Variants in MOB3B observed in about 807,000 individuals in gnomAD.
The protein encoded by MOB3B is MOB kinase activator 3B.
MOB3B carries 7 observed loss-of-function variants against 18.7 expected under a neutral mutation model. The observed-to-expected ratio is 0.37, with a 90% CI of 0.21 to 0.70. MOB3B has a LOEUF of 0.70. Among genes scored for constraint, MOB3B ranks in the 30% least tolerant of loss-of-function variants. The pLI, the probability that MOB3B is intolerant of heterozygous loss-of-function variation, is 0.52. For synonymous variants in MOB3B, 111 were observed against 99.9 expected, an observed-to-expected ratio of 1.11 and a Z score of -0.66; for missense variants, 253 against 281.3, an observed-to-expected ratio of 0.90 and a Z score of 0.72.
intron 1 of MOB3B, among the ~76,000 whole-genome samples, chr9:27,506,755 C>T (rs1820065986): frequency 1.3e-5 from 2 of 151,834 alleles, no homozygotes. Context: ...TGGTCTCGAT[C>T]TCCTGACCTC....
intron 2 of MOB3B, among the ~76,000 whole-genome samples, chr9:27,410,974 G>A (rs1488616180): frequency 6.6e-6 from 1 of 152,134 alleles, no homozygotes; most frequent in Non-Finnish European, 1.5e-5. Flanking sequence ...GTCCAAAATT[G>A]TATCTGTGGA....
chr9:27,332,797 C>T (rs1820807359), intron 3 of MOB3B, among the ~76,000 whole-genome samples: 1 of 152,200 alleles, frequency 6.6e-6, no homozygotes, highest in African/African-American at 2.4e-5. Context: ...GAGTACCTTA[C>T]CAGGTCACAT....
chr9:27,352,832 T>C (rs563654147), intron 3 of MOB3B, among the ~76,000 whole-genome samples: 3 of 152,338 alleles, frequency 2.0e-5, no homozygotes, highest in Non-Finnish European at 4.4e-5. Flanking sequence ...TGCAGTTAAA[T>C]TGGGCGGGCT....
intron 3 of MOB3B, among the ~76,000 whole-genome samples, chr9:27,338,732 T>A (rs1282535270): frequency 6.6e-6 from 1 of 152,168 alleles, no homozygotes; most frequent in Non-Finnish European, 1.5e-5. Flanking sequence ...ACCACAGCTG[T>A]CCAAACGAGG....
chr9:27,379,045 T>C lies in MOB3B; in HGVS notation c.419-19809A>G, dbSNP rs143326127. Among the ~76,000 whole-genome samples, 138 of 152,228 alleles carry C rather than the reference T, an allele frequency of 9.1e-4. 2 individuals are homozygous for C. The highest frequency in any genetic ancestry group is 3.0e-3 in the African/African-American group (126 of 41,524). On this transcript the variant is annotated intron_variant, in intron 2 of 3. Transcript: ENST00000262244. Reference sequence around the variant, plus strand: ...TTTACATTGCCTAAGGTGTCCAAAATGGGATGCATTGTCTCAGGTGATAGT... The same window carrying C: ...TTTACATTGCCTAAGGTGTCCAAAACGGGATGCATTGTCTCAGGTGATAGT...
chr9:27,412,198 A>G (rs964397815), intron 2 of MOB3B, among the ~76,000 whole-genome samples: 4 of 151,092 alleles, frequency 2.6e-5, no homozygotes, highest in South Asian at 2.1e-4. Context: ...AAAAAAAAGT[A>G]AAAATAAGAT....
chr9:27,404,147 T>C (rs1821929328), intron 2 of MOB3B, among the ~76,000 whole-genome samples: 1 of 150,802 alleles, frequency 6.6e-6, no homozygotes, highest in South Asian at 2.1e-4. Context: ...ATGACTACCC[T>C]TTTTTTTTCT....
At chr9:27,491,472 C>A (rs777493041) in intron 1 of MOB3B, among the ~76,000 whole-genome samples, 1 of 151,998 alleles carries the variant, frequency 6.6e-6, no homozygotes, top group Non-Finnish European at 1.5e-5. Flanking sequence ...AGTCTATTTT[C>A]TGTCCAAAAA....
intron 3 of MOB3B, among the ~76,000 whole-genome samples, chr9:27,335,414 C>T (rs530122706): frequency 1.3e-5 from 2 of 152,330 alleles, no homozygotes; most frequent in South Asian, 2.1e-4. Context: ...GGCTCTCTGA[C>T]TTCACATTGA....
chr9:27,385,138 G>A (rs10122400), intron 2 of MOB3B, among the ~76,000 whole-genome samples: 1 of 152,186 alleles, frequency 6.6e-6, no homozygotes, highest in East Asian at 1.9e-4. Flanking sequence ...GGGGGCAAAA[G>A]GAGGGTCTTT....
intron 2 of MOB3B, among the ~76,000 whole-genome samples, chr9:27,452,960 T>C (rs755796225): frequency 6.6e-6 from 1 of 152,212 alleles, no homozygotes; most frequent in African/African-American, 2.4e-5. Context: ...AATTATACAA[T>C]GTGGTGACTA....
At chr9:27,432,260 C>CT (rs563074798) in intron 2 of MOB3B, among the ~76,000 whole-genome samples, 29,087 of 149,932 alleles carry the variant, frequency 0.19, 2,999 homozygotes, top group Middle Eastern at 0.27. Context: ...TGTAAGATTT[C>CT]TTTTTTTTTT....
chr9:27,344,780 G>A (rs1821006758), intron 3 of MOB3B, among the ~76,000 whole-genome samples: 1 of 152,228 alleles, frequency 6.6e-6, no homozygotes, highest in Non-Finnish European at 1.5e-5. Flanking sequence ...AGGTGAATAA[G>A]ATGAAATCCC....
chr9:27,326,804 A>G lies in MOB3B; in HGVS notation c.*3783T>C. ...CGTGTAAGACATTTTCTTCCTAATCATCTCTCCCTTGCACCATCACCATGA... is the reference window on the plus strand; with the variant it reads ...CGTGTAAGACATTTTCTTCCTAATCGTCTCTCCCTTGCACCATCACCATGA... On this transcript the variant is annotated 3_prime_UTR_variant, in exon 4 of 4. Coordinates refer to ENST00000262244, the MANE Select transcript of MOB3B (RefSeq NM_024761.5). 2.6e-6 allele frequency: 1 copy of G among 384,826 alleles called. No individual in the cohort carries two copies. Among genetic ancestry groups the G allele is most frequent in the East Asian group, 3.7e-5 (1 of 27,096 alleles). The allele number at this position is 384,826 out of a possible 1,614,324, so 23.8% of individuals were successfully genotyped here.
chr9:27,378,672 G>A, intron 2 of MOB3B: 1 of 471,158 alleles, frequency 2.1e-6, no homozygotes, highest in Non-Finnish European at 4.4e-6. Context: ...CCCTGACCCA[G>A]AACCACACCT....
intron 1 of MOB3B, among the ~76,000 whole-genome samples, chr9:27,527,481 A>T (rs4879540): frequency 0.43 from 65,651 of 152,088 alleles, 16,545 homozygotes; most frequent in East Asian, 0.59. Flanking sequence ...CACTTCTTTT[A>T]TGTTAAATGG....
Position 27,455,530 on chromosome 9 carries a change from C to A in MOB3B, c.21G>T (p.Gln7His). The change falls in exon 2 of 4, where the codon CAG becomes CAT. Residue 7 changes from glutamine (Q) to histidine (H), a missense_variant. Coordinates refer to ENST00000262244, the MANE Select transcript of MOB3B (RefSeq NM_024761.5). Reference sequence around the variant, plus strand: ...GGAAGGTCTTGTCCTTGTTGAATACCTGCTTCAGGGCTATGGACATGGTCT... The same window carrying A: ...GGAAGGTCTTGTCCTTGTTGAATACATGCTTCAGGGCTATGGACATGGTCT... MSIALK[Q>H]VFNKDKTFRP... 1 of 1,614,186 alleles carries A rather than the reference C, an allele frequency of 6.2e-7. No homozygotes were observed. The highest frequency in any genetic ancestry group is 8.5e-7 in the Non-Finnish European group (1 of 1,180,034).
chr9:27,348,776 C>G (rs73643196), intron 3 of MOB3B, among the ~76,000 whole-genome samples: 2,645 of 152,290 alleles, frequency 0.017, 76 homozygotes, highest in African/African-American at 0.06. Flanking sequence ...ACTTCTGACT[C>G]TAGTCTGTAG....
At chr9:27,498,141 C>T (rs367946719) in intron 1 of MOB3B, among the ~76,000 whole-genome samples, 24 of 152,260 alleles carry the variant, frequency 1.6e-4, no homozygotes, top group African/African-American at 5.5e-4. Flanking sequence ...CCCACAGAAA[C>T]GCCGTGGTGC....
Sources: allele counts gnomAD v4.1 joint callset (sites outside exome capture counted in the v4.1 genomes callset), GRCh38; gene constraint gnomAD v4.1.1; transcripts MANE v1.5; gene names NCBI Gene and HGNC (gene_info 2026-07-23, HGNC 2026-07-21).